The following PRKCQ variants were observed in gnomAD, a reference collection of about 807,000 sequenced individuals.
The protein encoded by PRKCQ is protein kinase C theta type.
A neutral mutation model predicts 91.2 loss-of-function variants in PRKCQ; 41 were observed. The observed-to-expected ratio is 0.45, with a 90% CI of 0.35 to 0.58. The LOEUF (loss-of-function observed/expected upper bound fraction) is 0.58, where lower values mean the gene tolerates loss of function less well. Ranked by LOEUF, PRKCQ falls within the 20% of genes least tolerant of loss-of-function variation. The probability of loss-of-function intolerance (pLI) is 0.00; values close to 1 mark genes in which losing one functional copy is unlikely to be tolerated. For missense variants in PRKCQ, 673 were observed against 896.5 expected, an observed-to-expected ratio of 0.75 and a Z score of 3.18; for synonymous variants, 307 against 316.9, an observed-to-expected ratio of 0.97 and a Z score of 0.33.
chr10:6,429,216 A>G (rs2132221389), intron 17 of PRKCQ, among the ~76,000 whole-genome samples: 1 of 152,358 alleles, frequency 6.6e-6, no homozygotes, highest in East Asian at 1.9e-4. Context: ...CCTTTAGGGT[A>G]AGCTTAGATC....
At chr10:6,412,279 G>A in the PRKCQ span, among the ~76,000 whole-genome samples, 3 of 152,194 alleles carry the variant, frequency 2.0e-5, no homozygotes, top group Non-Finnish European at 4.4e-5. Context: ...TTGGGCAAAG[G>A]AGTGTTTAGT....
intron 1 of PRKCQ, among the ~76,000 whole-genome samples, chr10:6,542,593 T>C (rs1444839840): frequency 6.6e-6 from 1 of 152,182 alleles, no homozygotes; most frequent in East Asian, 1.9e-4. Flanking sequence ...GAGTGAACAG[T>C]TCTCCCTCGG....
intron 1 of PRKCQ, among the ~76,000 whole-genome samples, chr10:6,544,241 C>T (rs1377624164): frequency 6.6e-6 from 1 of 152,078 alleles, no homozygotes; most frequent in Non-Finnish European, 1.5e-5. Flanking sequence ...AGCTTAATTC[C>T]CACTACCTGA....
intron 16 of PRKCQ, among the ~76,000 whole-genome samples, chr10:6,433,242 G>C (rs1294847017): frequency 6.6e-6 from 1 of 152,244 alleles, no homozygotes; most frequent in South Asian, 2.1e-4. Flanking sequence ...GATGACAAGC[G>C]GCCTCCTTCC....
intron 8 of PRKCQ, among the ~76,000 whole-genome samples, chr10:6,488,814 C>T (rs1837087254): frequency 6.6e-6 from 1 of 150,632 alleles, no homozygotes; most frequent in South Asian, 2.1e-4. Flanking sequence ...GGGTCTTGCT[C>T]TGTTGCCCAG....
intron 15 of PRKCQ, among the ~76,000 whole-genome samples, chr10:6,453,365 A>G (rs1298526884): frequency 9.8e-5 from 15 of 152,326 alleles, no homozygotes; most frequent in African/African-American, 2.9e-4. Flanking sequence ...CAAAACCACA[A>G]TGAGATACCA....
intron 1 of PRKCQ, among the ~76,000 whole-genome samples, chr10:6,558,367 C>G (rs1020206878): frequency 6.6e-6 from 1 of 152,064 alleles, no homozygotes; most frequent in Non-Finnish European, 1.5e-5. Context: ...AACAGACATA[C>G]AGTACTATTT....
intron 1 of PRKCQ, among the ~76,000 whole-genome samples, chr10:6,531,218 C>T (rs1476189296): frequency 2.0e-5 from 3 of 151,980 alleles, no homozygotes; most frequent in South Asian, 4.2e-4. Flanking sequence ...TATTGAAGTT[C>T]GCAAAGCTGC....
chr10:6,433,088 A>G (rs1451288633), intron 16 of PRKCQ, among the ~76,000 whole-genome samples: 1 of 152,196 alleles, frequency 6.6e-6, no homozygotes. Context: ...TACGACTGAT[A>G]CATCATCCAC....
At chr10:6,403,174 G>C in the PRKCQ span, among the ~76,000 whole-genome samples, 3 of 152,192 alleles carry the variant, frequency 2.0e-5, no homozygotes, top group Non-Finnish European at 4.4e-5. Context: ...TCTCATGCCT[G>C]AAGCTCTGTG....
At chr10:6,436,097 G>C (rs1011355084) in intron 16 of PRKCQ, among the ~76,000 whole-genome samples, 3 of 152,172 alleles carry the variant, frequency 2.0e-5, no homozygotes, top group Non-Finnish European at 2.9e-5. Flanking sequence ...CTGGGTGACA[G>C]AGCGACACTC....
At position 6,471,775 on chromosome 10, in the gene PRKCQ, G is replaced by GACA. The variant is rs554087273; in HGVS notation, c.1353+7214_1353+7216dup. On this transcript the variant is annotated intron_variant, in intron 12 of 17. Transcript: ENST00000263125. ...AAAACAAACAAACAAACACAACAAT[G>GACA]ACAACAACAACAACAAAAAACAAAA... Among the ~76,000 whole-genome samples, 156 of 151,850 alleles carry GACA rather than the reference G, an allele frequency of 1.0e-3. 3 individuals are homozygous for GACA. In the East Asian group the frequency reaches 0.019, roughly 19 times the overall value.
intron 1 of PRKCQ, chr10:6,515,501 C>T: frequency 2.0e-6 from 2 of 985,204 alleles, no homozygotes; most frequent in Non-Finnish European, 2.4e-6. Flanking sequence ...AGTAGGTGCC[C>T]AGGAAACAGC....
intron 12 of PRKCQ, among the ~76,000 whole-genome samples, chr10:6,467,385 C>CAGAGAGAGAGAGAGAG (rs1564324292): frequency 2.5e-5 from 1 of 39,476 alleles, no homozygotes; most frequent in Non-Finnish European, 4.7e-5. Context: ...CAGAGAGAGA[C>CAGAGAGAGAGAGAGAG]AGACAGAGAG....
At chr10:6,404,166 T>A in the PRKCQ span, among the ~76,000 whole-genome samples, 1 of 144,728 alleles carries the variant, frequency 6.9e-6, no homozygotes, top group Admixed American at 7.1e-5. Flanking sequence ...CAAGATTAGA[T>A]AAGGGCAAAA....
At chr10:6,436,224 A>T (rs914327727) in intron 16 of PRKCQ, among the ~76,000 whole-genome samples, 1 of 151,732 alleles carries the variant, frequency 6.6e-6, no homozygotes, top group East Asian at 1.9e-4. Context: ...TCTTGTGGCA[A>T]CTCTTTCTCT....
chr10:6,551,586 C>T (rs111448421), intron 1 of PRKCQ, among the ~76,000 whole-genome samples: 6 of 151,992 alleles, frequency 3.9e-5, no homozygotes, highest in African/African-American at 1.2e-4. Context: ...TTAGTAGAGA[C>T]GGGGTTTCAC....
intron 15 of PRKCQ, among the ~76,000 whole-genome samples, chr10:6,456,028 G>T (rs570013851): frequency 2.0e-5 from 3 of 152,284 alleles, no homozygotes; most frequent in Non-Finnish European, 4.4e-5. Context: ...CCCTGGGTGG[G>T]CAGCTGGGGA....
chr10:6,485,451 TA>T (rs1490844657), intron 9 of PRKCQ, among the ~76,000 whole-genome samples, 182 bp from the exon 10 acceptor site: 2 of 152,236 alleles, frequency 1.3e-5, no homozygotes, highest in African/African-American at 2.4e-5. Flanking sequence ...TACTGTATTT[TA>T]TGCATTAGCC....
Sources: allele counts gnomAD v4.1 joint callset (sites outside exome capture counted in the v4.1 genomes callset), GRCh38; gene constraint gnomAD v4.1.1; transcripts MANE v1.5; gene names NCBI Gene and HGNC (gene_info 2026-07-23, HGNC 2026-07-21).